Variants in ROBO2 observed in about 807,000 individuals in gnomAD.
ROBO2 encodes roundabout homolog 2.
A neutral mutation model predicts 160.8 loss-of-function variants in ROBO2; 53 were observed. That is an observed-to-expected ratio of 0.33 (90% confidence interval 0.26 to 0.41). The LOEUF is 0.41. Among genes scored for constraint, ROBO2 ranks in the 10% least tolerant of loss-of-function variants. The probability of loss-of-function intolerance (pLI) is 1.00; values close to 1 mark genes in which losing one functional copy is unlikely to be tolerated. For missense variants in ROBO2, 1,577 were observed against 1,722.4 expected (o/e 0.92, Z 1.49); for synonymous variants, 664 against 611.7 (o/e 1.09, Z -1.26).
At chr3:76,489,193 A>G (rs2079678069) in intron 2 of ROBO2, among the ~76,000 whole-genome samples, 1 of 148,488 alleles carries the variant, frequency 6.7e-6, no homozygotes, top group Non-Finnish European at 1.5e-5. Context: ...GTCACAACCT[A>G]AAACATTTCT....
At chr3:77,143,597 G>A (rs1487681881) in intron 2 of ROBO2, among the ~76,000 whole-genome samples, 1 of 152,078 alleles carries the variant, frequency 6.6e-6, no homozygotes, top group African/African-American at 2.4e-5. Flanking sequence ...TATAAACTCA[G>A]TATATATAAA....
chr3:77,215,326 C>A (rs1307201387), intron 2 of ROBO2, among the ~76,000 whole-genome samples: 4 of 152,120 alleles, frequency 2.6e-5, no homozygotes, highest in African/African-American at 9.7e-5. Context: ...TCATTTCATT[C>A]ATTTGGTCTT....
intron 4 of ROBO2, among the ~76,000 whole-genome samples, chr3:77,492,052 A>G (rs2086192272): frequency 6.6e-6 from 1 of 152,148 alleles, no homozygotes; most frequent in African/African-American, 2.4e-5. Flanking sequence ...TGCCGAATAC[A>G]TTTTAGTTTT....
intron 2 of ROBO2, among the ~76,000 whole-genome samples, chr3:76,042,527 A>C (rs1262820351): frequency 6.6e-6 from 1 of 152,012 alleles, no homozygotes; most frequent in Non-Finnish European, 1.5e-5. Flanking sequence ...GATTTGTTGC[A>C]ATCTTATTTT....
At chr3:76,490,029 A>G (rs1470780608) in intron 2 of ROBO2, among the ~76,000 whole-genome samples, 2 of 152,208 alleles carry the variant, frequency 1.3e-5, no homozygotes, top group Non-Finnish European at 2.9e-5. Flanking sequence ...GCTGTTGTTT[A>G]AAGATTTTCT....
At chr3:77,591,161 C>A (rs1381572763) in intron 17 of ROBO2, among the ~76,000 whole-genome samples, 1 of 152,090 alleles carries the variant, frequency 6.6e-6, no homozygotes, top group East Asian at 1.9e-4. Flanking sequence ...CATTATTAGA[C>A]AAAACCATCC....
At chr3:76,080,561 A>G (rs890215999) in intron 2 of ROBO2, among the ~76,000 whole-genome samples, 1 of 152,140 alleles carries the variant, frequency 6.6e-6, no homozygotes, top group African/African-American at 2.4e-5. Context: ...TCAAATAACC[A>G]CTAAATTGCT....
intron 2 of ROBO2, among the ~76,000 whole-genome samples, chr3:77,449,072 G>C (rs987333249): frequency 6.6e-6 from 1 of 152,000 alleles, no homozygotes; most frequent in Non-Finnish European, 1.5e-5. Context: ...AGCATACTGA[G>C]TATTCAATTA....
chr3:77,539,816 C>G (rs2092372249), intron 6 of ROBO2, among the ~76,000 whole-genome samples: 1 of 152,076 alleles, frequency 6.6e-6, no homozygotes, highest in Non-Finnish European at 1.5e-5. Flanking sequence ...AGAGCAAGTA[C>G]CTTAAATTGG....
At chr3:76,185,215 T>TAGATATATATATATATATAC in intron 2 of ROBO2, among the ~76,000 whole-genome samples, 11 of 90,312 alleles carry the variant, frequency 1.2e-4, no homozygotes, top group Non-Finnish European at 2.1e-4. Flanking sequence ...TATATATATA[T>TAGATATATATATATATATAC]ACACACACAA....
At chr3:77,227,852 C>T (rs547870803) in intron 2 of ROBO2, among the ~76,000 whole-genome samples, 15 of 152,312 alleles carry the variant, frequency 9.8e-5, no homozygotes, top group Admixed American at 5.2e-4. Context: ...AACTAGTTTT[C>T]GCATGTATGC....
chr3:76,786,013 T>C (rs2062949835), intron 2 of ROBO2, among the ~76,000 whole-genome samples: 1 of 151,336 alleles, frequency 6.6e-6, no homozygotes, highest in Admixed American at 6.6e-5. Context: ...GTTCCTGATA[T>C]ATATTTACCT....
intron 2 of ROBO2, among the ~76,000 whole-genome samples, chr3:75,955,492 G>A (rs1358404849): frequency 6.6e-6 from 1 of 151,502 alleles, no homozygotes; most frequent in Non-Finnish European, 1.5e-5. Flanking sequence ...ATAATGTTTA[G>A]GGGGGAGGGG....
intron 2 of ROBO2, among the ~76,000 whole-genome samples, chr3:76,485,760 T>TA (rs903513225): frequency 2.0e-5 from 3 of 152,230 alleles, no homozygotes; most frequent in African/African-American, 7.2e-5. Context: ...TTTTATAATT[T>TA]AAAAAAATAA....
intron 2 of ROBO2, among the ~76,000 whole-genome samples, chr3:76,886,229 T>G (rs1446867684): frequency 6.7e-6 from 1 of 149,230 alleles, no homozygotes; most frequent in Non-Finnish European, 1.5e-5. Context: ...CTACGCCTTT[T>G]ATAGCTAGGA....
intron 3 of ROBO2, among the ~76,000 whole-genome samples, chr3:77,477,897 G>T (rs2084221477): frequency 8.0e-6 from 1 of 124,852 alleles, no homozygotes; most frequent in African/African-American, 3.2e-5. Context: ...GTGCGATCCT[G>T]CTCACCGCAA....
At chr3:76,446,061 A>T (rs946725044) in intron 2 of ROBO2, among the ~76,000 whole-genome samples, 3 of 152,150 alleles carry the variant, frequency 2.0e-5, no homozygotes, top group Non-Finnish European at 4.4e-5. Context: ...AGGAGAAAGA[A>T]ATAAATGGTA....
At chr3:75,993,096 T>C (rs1283179003) in intron 2 of ROBO2, among the ~76,000 whole-genome samples, 1 of 152,170 alleles carries the variant, frequency 6.6e-6, no homozygotes, top group Non-Finnish European at 1.5e-5. Context: ...GGGTTATTGC[T>C]GAAATGACTT....
At chr3:77,353,649 T>A (rs1247753888) in intron 2 of ROBO2, among the ~76,000 whole-genome samples, 1 of 152,024 alleles carries the variant, frequency 6.6e-6, no homozygotes, top group Non-Finnish European at 1.5e-5. Context: ...TAGCTGGGAC[T>A]ATAGGCATGC....
Sources: allele counts gnomAD v4.1 joint callset (sites outside exome capture counted in the v4.1 genomes callset), GRCh38; gene constraint gnomAD v4.1.1; transcripts MANE v1.5; gene names NCBI Gene and HGNC (gene_info 2026-07-23, HGNC 2026-07-21).